BCL10: variants seen among roughly 807,000 people sequenced by gnomAD.
The protein encoded by BCL10 is BCL10 immune signaling adaptor.
In BCL10, 5 loss-of-function variants were observed where a neutral mutation model predicts 19.2. That is an observed-to-expected ratio of 0.26 (90% CI 0.14 to 0.55). The LOEUF is 0.55. BCL10 is among the 20% of genes least tolerant of loss of function. The probability of loss-of-function intolerance (pLI) is 0.94; values close to 1 mark genes in which losing one functional copy is unlikely to be tolerated. For synonymous variants in BCL10, 110 were observed against 98.8 expected, an observed-to-expected ratio of 1.11 and a Z score of -0.67; for missense variants, 201 against 271.9, an observed-to-expected ratio of 0.74 and a Z score of 1.83.
chr1:85,273,997 C>T (rs564192967), intron 1 of BCL10, among the ~76,000 whole-genome samples: 147 of 152,340 alleles, frequency 9.6e-4, no homozygotes, highest in African/African-American at 3.4e-3. Context: ...TTCCCCAAGT[C>T]ACCAGGGTCT....
At position 85,267,620 on chromosome 1, in the gene BCL10, T is replaced by A; in HGVS notation, c.*7A>T. On this transcript the variant is annotated 3_prime_UTR_variant, in exon 3 of 3. Transcript: ENST00000648566. ...GTCATCATTAAAAATTAAAAGGCAA[T>A]AAAGTGTCATTGTCGTGAAACAGTA... 6.4e-7 allele frequency: 1 copy of A among 1,555,426 alleles called. No individual in the cohort carries two copies. Among genetic ancestry groups the A allele is most frequent in the Non-Finnish European group, 8.7e-7 (1 of 1,152,866 alleles).
rs573975640 is a variant in BCL10 at position 85,270,771 on chromosome 1, C to T, written c.193G>A (p.Ala65Thr). The T allele has an allele frequency of 1.2e-6, 2 of 1,614,118 alleles. No individual in the cohort carries two copies. The highest frequency in any genetic ancestry group is 1.3e-5 in the African/African-American group (1 of 75,036). Reference sequence around the variant, plus strand: ...TGTAAGTAGTCTAACAATTTTCCAGCCCTTTTTCTACTTGATGTTCGACAA... The same window carrying T: ...TGTAAGTAGTCTAACAATTTTCCAGTCCTTTTTCTACTTGATGTTCGACAA... ...ISCRTSSRKR[A>T]GKLLDYLQEN... Residue 65 changes from alanine to threonine, a missense_variant, in exon 2 of 3, where the codon GCT becomes ACT. Physicochemically the swap from Ala to Thr is moderately conservative, Grantham distance 58. Around this residue, in one of 3 missense-constraint regions of BCL10, gnomAD observed 51 missense variants for 118.8 expected, o/e 0.43. Transcript: ENST00000648566.
At position 85,267,085 on chromosome 1, in the gene BCL10, A is replaced by C. The variant is rs981843087; in HGVS notation, c.*542T>G. On this transcript the variant is annotated 3_prime_UTR_variant, in exon 3 of 3. Transcript: ENST00000648566. Reference sequence around the variant, plus strand: ...ATCTTAGGTGGCTCACACTCCATCAAGTGTTCCTCCAGTATCAAAAAGAGG... The same window carrying C: ...ATCTTAGGTGGCTCACACTCCATCACGTGTTCCTCCAGTATCAAAAAGAGG... 1.1e-5 allele frequency: 2 copies of C among 189,512 alleles called. No individual in the cohort carries two copies. Among genetic ancestry groups the C allele is most frequent in the African/African-American group, 4.7e-5 (2 of 42,890 alleles). 11.7% of individuals were successfully genotyped at this position (189,512 alleles called of 1,614,324 possible).
chr1:85,268,100 C>A, intron 2 of BCL10, 118 bp from the exon 3 acceptor site: 1 of 645,780 alleles, frequency 1.5e-6, no homozygotes, highest in Non-Finnish European at 2.6e-6. Flanking sequence ...ATTTAAATAG[C>A]AACTTGTAAT....
chr1:85,269,112 C>A (rs1660288820), intron 2 of BCL10, among the ~76,000 whole-genome samples: 1 of 152,200 alleles, frequency 6.6e-6, no homozygotes, highest in African/African-American at 2.4e-5. Flanking sequence ...TCTTCTCTTT[C>A]ACACTCTTGC....
rs1660540102 is a variant in BCL10, at chr1:85,276,525, A to G, written c.-173T>C. ...CAGAGGGACTCGGGGGTCAAACCGTAGCGCTTCCGGCCCCGCCTCTGAGGT... is the reference window on the plus strand; with the variant it reads ...CAGAGGGACTCGGGGGTCAAACCGTGGCGCTTCCGGCCCCGCCTCTGAGGT... On this transcript the variant is annotated 5_prime_UTR_variant, in exon 1 of 3. Coordinates refer to ENST00000648566, the MANE Select transcript of BCL10 (RefSeq NM_003921.5). 3.0e-6 allele frequency: 2 copies of G among 674,576 alleles called. No homozygotes were observed. The highest frequency in any genetic ancestry group is 2.5e-6 in the Non-Finnish European group (1 of 400,756). The allele number at this position is 674,576 out of a possible 1,614,324, so 41.8% of individuals were successfully genotyped here.
chr1:85,270,119 T>C (rs1317415276), intron 2 of BCL10, among the ~76,000 whole-genome samples: 1 of 152,262 alleles, frequency 6.6e-6, no homozygotes, highest in African/African-American at 2.4e-5. Flanking sequence ...GATTTCATAA[T>C]AGTTTTCTAT....
At chr1:85,268,057 TAA>T in intron 2 of BCL10, 75 bp from the exon 3 acceptor site, 2 of 862,052 alleles carry the variant, frequency 2.3e-6, no homozygotes, top group Non-Finnish European at 1.7e-6. Context: ...TGTGACTTGT[TAA>T]AGATTACAAG....
At position 85,267,543 on chromosome 1, in the gene BCL10, A is replaced by G. The variant is rs1660232900; in HGVS notation, c.*84T>C. 1 of 1,154,030 alleles carries G rather than the reference A, an allele frequency of 8.7e-7. No homozygotes were observed. Among genetic ancestry groups the G allele is most frequent in the East Asian group, 2.5e-5 (1 of 40,484 alleles). The allele number at this position is 1,154,030 out of a possible 1,614,324, so 71.5% of individuals were successfully genotyped here. ...TTTAAAAGACATGCATCAAATGTAA[A>G]CAAATGATTACAGCCATTTTATAAA... On this transcript the variant is annotated 3_prime_UTR_variant, in exon 3 of 3. Transcript: ENST00000648566.
chr1:85,272,370 C>T (rs998399111), intron 1 of BCL10, among the ~76,000 whole-genome samples: 1 of 151,728 alleles, frequency 6.6e-6, no homozygotes, highest in Non-Finnish European at 1.5e-5. Flanking sequence ...GCTAGGACTA[C>T]AGGTGTGAGC....
chr1:85,269,212 G>C (rs1308953418), intron 2 of BCL10, among the ~76,000 whole-genome samples: 1 of 152,212 alleles, frequency 6.6e-6, no homozygotes, highest in Non-Finnish European at 1.5e-5. Flanking sequence ...CCAGCCTCCA[G>C]AACTGTAAGA....
rs776045842 is a variant in BCL10, at chr1:85,267,128, C to T, written c.*499G>A. On this transcript the variant is annotated 3_prime_UTR_variant, in exon 3 of 3. Coordinates refer to ENST00000648566, the MANE Select transcript of BCL10 (RefSeq NM_003921.5). Reference sequence around the variant, plus strand: ...AAAAGAGGCTGTTTACATGCCTATACGACAATGGAGTGGAAAAGAGATTTT... The same window carrying T: ...AAAAGAGGCTGTTTACATGCCTATATGACAATGGAGTGGAAAAGAGATTTT... 1.1e-4 allele frequency: 21 copies of T among 192,184 alleles called. No individual in the cohort carries two copies. Among genetic ancestry groups the T allele is most frequent in the African/African-American group, 1.9e-4 (8 of 43,018 alleles). The allele number at this position is 192,184 out of a possible 1,614,324, so 11.9% of individuals were successfully genotyped here. A position where few individuals can be genotyped will look rare whatever the true frequency, so the allele number is the denominator to read the frequency against.
At chr1:85,275,065 T>C (rs1660477946) in intron 1 of BCL10, among the ~76,000 whole-genome samples, 1 of 152,236 alleles carries the variant, frequency 6.6e-6, no homozygotes, top group African/African-American at 2.4e-5. Context: ...TTAGAGGTTG[T>C]TGCGAAGGTT....
rs1370502332 is a variant in BCL10, at chr1:85,276,598, G to A, written c.-246C>T. ...GACGCGACGCGGAGCTCGGAGCAGC[G>A]TTCCTTCCCTCTCGTAGAGGCTCAG... On this transcript the variant is annotated 5_prime_UTR_variant, in exon 1 of 3. In the 5' UTR this introduces an upstream ATG that the reference lacks. Coordinates refer to ENST00000648566, the MANE Select transcript of BCL10 (RefSeq NM_003921.5). The A allele has an allele frequency of 6.8e-6, 4 of 585,524 alleles. No homozygotes were observed. Among genetic ancestry groups the A allele is most frequent in the Non-Finnish European group, 9.1e-6 (3 of 328,404 alleles). 36.3% of individuals were successfully genotyped at this position (585,524 alleles called of 1,614,324 possible). A position where few individuals can be genotyped will look rare whatever the true frequency, so the allele number is the denominator to read the frequency against.
rs1038881728 is a variant in BCL10, at chr1:85,267,799, A to G, written c.530T>C (p.Leu177Pro). Residue 177 changes from leucine to proline, a missense_variant, in exon 3 of 3, where the codon CTA (leucine) becomes CCA (proline). Physicochemically the swap from Leu to Pro is moderately conservative, Grantham distance 98. Transcript: ENST00000648566. ...GGTATTTTCAGTTCTGCCTACTTCT[A>G]GAACAGGCAAATTCAGAGAAGAATT... is the stretch of plus-strand genomic sequence containing the variant. The part of the protein sequence containing the change: ...STNSSLNLPV[L>P]EVGRTENTIF... The G allele has an allele frequency of 2.5e-6, 4 of 1,614,236 alleles. No homozygotes were observed. In the South Asian group the frequency reaches 4.4e-5, roughly 18 times the overall value.
At chr1:85,268,929 AGCTGTG>A (rs1660282671) in intron 2 of BCL10, among the ~76,000 whole-genome samples, 1 of 152,214 alleles carries the variant, frequency 6.6e-6, no homozygotes, top group Non-Finnish European at 1.5e-5. Context: ...TGTTCCCATT[AGCTGTG>A]GTACGAATGT....
rs113133553 is a variant in BCL10 at position 85,267,814 on chromosome 1, A to T, written c.515T>A (p.Leu172Gln). ...TTPFFSTNSS[L>Q]NLPVLEVGRT... ...GCCTACTTCTAGAACAGGCAAATTC[A>T]GAGAAGAATTAGTAGAAAAAAAGGG... The change falls in exon 3 of 3, where the codon CTG becomes CAG. Residue 172 changes from leucine (L) to glutamine (Q), a missense_variant. Around this residue, in one of 3 missense-constraint regions of BCL10, gnomAD observed 126 missense variants for 136.6 expected, o/e 0.92. Coordinates refer to ENST00000648566, the MANE Select transcript of BCL10 (RefSeq NM_003921.5). 1 of 1,614,274 alleles carries T rather than the reference A, an allele frequency of 6.2e-7. No individual in the cohort carries two copies. Among genetic ancestry groups the T allele is most frequent in the Admixed American group, 1.7e-5 (1 of 60,036 alleles).
intron 1 of BCL10, among the ~76,000 whole-genome samples, chr1:85,272,838 CAT>C (rs1174748952): frequency 1.3e-5 from 2 of 152,148 alleles, no homozygotes; most frequent in East Asian, 3.9e-4. Context: ...GAAGGCCACG[CAT>C]AGTCTCTGTA....
chr1:85,273,260 C>T (rs967011268), intron 1 of BCL10, among the ~76,000 whole-genome samples: 1 of 152,182 alleles, frequency 6.6e-6, no homozygotes, highest in East Asian at 1.9e-4. Context: ...CAATGACCCC[C>T]TTATTGCCAA....
Sources: gnomAD v4.1 joint callset for allele counts (sites outside exome capture counted in the v4.1 genomes callset) on GRCh38, gnomAD v4.1.1 for gene constraint, gnomAD v4.1.1 regional missense constraint, MANE v1.5 for transcripts, NCBI Gene and HGNC (gene_info 2026-07-23, HGNC 2026-07-21) for gene names.